The following FBXO47 variants were observed in gnomAD, a reference collection of about 807,000 sequenced individuals.
FBXO47 encodes the protein F-box protein 47.
A neutral mutation model predicts 53.9 loss-of-function variants in FBXO47; 34 were observed. The observed-to-expected ratio is 0.63, with a 90% CI of 0.48 to 0.84. FBXO47 has a LOEUF of 0.84. FBXO47 is among the 40% of genes least tolerant of loss of function. The pLI is 0.00. For missense variants in FBXO47, 485 were observed against 541.3 expected, an observed-to-expected ratio of 0.90 and a Z score of 1.03; for synonymous variants, 165 against 181.6, an observed-to-expected ratio of 0.91 and a Z score of 0.73.
At chr17:38,947,681 G>A (rs571238480) in intron 6 of FBXO47, among the ~76,000 whole-genome samples, 130 of 152,166 alleles carry the variant, frequency 8.5e-4, no homozygotes, top group African/African-American at 2.9e-3. Context: ...AGGTTGAGGC[G>A]GGTGGATCAT....
chr17:38,950,072 T>C (rs1382919329), intron 6 of FBXO47, among the ~76,000 whole-genome samples: 2 of 152,158 alleles, frequency 1.3e-5, no homozygotes, highest in African/African-American at 4.8e-5. Context: ...CGCAATTCAG[T>C]GGCATCATTT....
chr17:38,952,159 T>C (rs1193949741), intron 5 of FBXO47, among the ~76,000 whole-genome samples: 1 of 151,928 alleles, frequency 6.6e-6, no homozygotes, highest in Non-Finnish European at 1.5e-5. Flanking sequence ...ACCCCATCCC[T>C]ACTAAAAATA....
At chr17:38,963,193 T>G (rs1389499488) in intron 1 of FBXO47, 142 bp from the exon 2 acceptor site, 2 of 541,606 alleles carry the variant, frequency 3.7e-6, no homozygotes, top group Non-Finnish European at 6.5e-6. Flanking sequence ...TTGGTTTTTT[T>G]TTGAGACGGA....
At chr17:38,955,026 T>A in intron 4 of FBXO47, 93 bp from the exon 5 acceptor site, 1 of 948,776 alleles carries the variant, frequency 1.1e-6, no homozygotes, top group Non-Finnish European at 1.6e-6. Flanking sequence ...TTAATGGAAA[T>A]AAGCAAGAAT....
chr17:38,946,374 ATATATAAATATATATATC>A (rs1904836777), intron 6 of FBXO47, among the ~76,000 whole-genome samples: 1 of 93,836 alleles, frequency 1.1e-5, no homozygotes, highest in African/African-American at 4.8e-5. Context: ...ATATAGATAT[ATATATAAATATATATATC>A]TATATATAAA....
At chr17:38,964,906 C>G (rs1218121143) in intron 1 of FBXO47, among the ~76,000 whole-genome samples, 1 of 152,150 alleles carries the variant, frequency 6.6e-6, no homozygotes, top group East Asian at 1.9e-4. Context: ...CAACCTCCCC[C>G]TCCCAGGTTC....
intron 1 of FBXO47, among the ~76,000 whole-genome samples, chr17:38,965,936 CAAG>C (rs1906095419): frequency 6.7e-6 from 1 of 150,030 alleles, no homozygotes; most frequent in Admixed American, 6.7e-5. Flanking sequence ...TACAGCTAAA[CAAG>C]AAGAAAAAAA....
chr17:38,952,234 G>C lies in FBXO47; in HGVS notation c.508-545C>G, dbSNP rs115471225. On this transcript the variant is annotated intron_variant, in intron 5 of 10. Transcript: ENST00000378079. ...CCAGCTACTTGAGAGGCTGACAGGA[G>C]AATCACTTGATCCCTGAGTAGAGGC... Among the ~76,000 whole-genome samples, 483 of 152,012 alleles carry C rather than the reference G, an allele frequency of 3.2e-3. 4 individuals are homozygous for C. Among genetic ancestry groups the C allele is most frequent in the African/African-American group, 0.011 (453 of 41,464 alleles).
chr17:38,952,997 C>A (rs774079460), intron 5 of FBXO47, among the ~76,000 whole-genome samples: 2 of 151,532 alleles, frequency 1.3e-5, no homozygotes, highest in Non-Finnish European at 2.9e-5. Flanking sequence ...CTTTCATTGG[C>A]TGGGCACAGC....
intron 5 of FBXO47, 31 bp from the exon 6 acceptor site, chr17:38,951,720 T>TTCAGACTA: frequency 6.6e-7 from 1 of 1,507,262 alleles, no homozygotes; most frequent in Non-Finnish European, 9.2e-7. Context: ...ATTGTGGATA[T>TTCAGACTA]TCAGACTATC....
rs796997461 is a variant in FBXO47, at chr17:38,959,598, A to T, written c.352+2279T>A. Among the ~76,000 whole-genome samples the T allele has an allele frequency of 2.7e-3, 406 of 150,228 alleles. 1 individual carries two copies. Among genetic ancestry groups the T allele is most frequent in the African/African-American group, 8.8e-3 (356 of 40,536 alleles). On this transcript the variant is annotated intron_variant, in intron 3 of 10. Transcript: ENST00000378079. ...CTGCCTCAAAAAAAAAAAAAAAAAA[A>T]AAAAAGAAAATTATTCTTCAAAGCA...
At chr17:38,943,477 A>G in intron 8 of FBXO47, 113 bp downstream of exon 8, 1 of 607,502 alleles carries the variant, frequency 1.6e-6, no homozygotes, top group East Asian at 3.3e-5. Flanking sequence ...TAGAGCATTC[A>G]GTGATTTCCA....
chr17:38,956,449 G>A (rs1197803775), intron 4 of FBXO47, among the ~76,000 whole-genome samples: 3 of 151,944 alleles, frequency 2.0e-5, no homozygotes, highest in Non-Finnish European at 4.4e-5. Context: ...TTAGCCAGGT[G>A]TGGTGGTGGG....
chr17:38,943,773 T>C (rs1277602858), intron 7 of FBXO47, 37 bp from the exon 8 acceptor site: 2 of 1,572,572 alleles, frequency 1.3e-6, no homozygotes, highest in Admixed American at 2.1e-5. Context: ...GACAGAATAG[T>C]TGGCTTTGTG....
intron 9 of FBXO47, among the ~76,000 whole-genome samples, chr17:38,939,701 C>T (rs1437874732): frequency 7.6e-6 from 1 of 132,316 alleles, no homozygotes; most frequent in Non-Finnish European, 1.5e-5. Flanking sequence ...CACTCTGTCG[C>T]CCAGGCCGGA....
At chr17:38,937,384 T>C (rs1915605306) in intron 10 of FBXO47, 94 bp from the exon 11 acceptor site, 2 of 418,490 alleles carry the variant, frequency 4.8e-6, no homozygotes, top group Non-Finnish European at 8.0e-6. Flanking sequence ...TGAGACACAG[T>C]CTCCCCCTGT....
At chr17:38,964,784 C>T (rs1409182967) in intron 1 of FBXO47, among the ~76,000 whole-genome samples, 3 of 152,106 alleles carry the variant, frequency 2.0e-5, no homozygotes, top group Admixed American at 1.3e-4. Context: ...TTAAATGCAA[C>T]TTATTAAAAT....
At chr17:38,944,848 A>ATGTGTGTGTGTGTGTGTGTGTG (rs71300085) in intron 7 of FBXO47, 112 bp downstream of exon 7, 7,142 of 615,256 alleles carry the variant, frequency 0.012, 67 homozygotes, top group African/African-American at 0.022. Flanking sequence ...GCGTGCATGC[A>ATGTGTGTGTGTGTGTGTGTGTG]TGTGTGTGTG....
At position 38,938,703 on chromosome 17, in the gene FBXO47, A is replaced by G. The variant is rs1253055207; in HGVS notation, c.1113T>C (p.Asp371=). 4 of 1,611,990 alleles carry G rather than the reference A, an allele frequency of 2.5e-6. No individual in the cohort carries two copies. Among genetic ancestry groups the G allele is most frequent in the African/African-American group, 2.7e-5 (2 of 75,030 alleles). ...LVCEKELYCM[D]WTVKMMQKVC... is the part of the protein sequence containing the mutation. ...CTTTTTGCATCATTTTAACTGTCCA[A>G]TCCATGCAGTACAGTTCTTTCTCAC... Residue 371 remains aspartate, a synonymous_variant, in exon 10 of 11, where the codon GAT becomes GAC. Transcript: ENST00000378079.
Sources: allele counts gnomAD v4.1 joint callset (sites outside exome capture counted in the v4.1 genomes callset), GRCh38; gene constraint gnomAD v4.1.1; transcripts MANE v1.5; gene names NCBI Gene and HGNC (gene_info 2026-07-23, HGNC 2026-07-21).